The following FLYWCH2 variants were observed in gnomAD, a reference collection of about 807,000 sequenced individuals.
FLYWCH2 encodes FLYWCH family member 2.
A neutral mutation model predicts 6.0 loss-of-function variants in FLYWCH2; 2 were observed. The observed-to-expected ratio is 0.33, with a 90% CI of 0.14 to 1.04. The LOEUF (loss-of-function observed/expected upper bound fraction) is 1.04, where lower values mean the gene tolerates loss of function less well. Among genes scored for constraint, FLYWCH2 ranks in the 50% least tolerant of loss-of-function variants. FLYWCH2 has a pLI of 0.45. For missense variants in FLYWCH2, 192 were observed against 183.4 expected (o/e 1.05, Z -0.27); for synonymous variants, 87 against 79.3 (o/e 1.10, Z -0.52).
At chr16:2,889,904 G>A (rs2069737102) in intron 1 of FLYWCH2, among the ~76,000 whole-genome samples, 2 of 152,108 alleles carry the variant, frequency 1.3e-5, no homozygotes, top group Non-Finnish European at 2.9e-5. Flanking sequence ...GGACGACATG[G>A]TGAAACCGTG....
chr16:2,884,569 A>AAAAAAAAAAC (rs1206638024), intron 1 of FLYWCH2, among the ~76,000 whole-genome samples: 1 of 146,188 alleles, frequency 6.8e-6, no homozygotes, highest in Non-Finnish European at 1.5e-5. Flanking sequence ...AAAAAAAAAA[A>AAAAAAAAAAC]AAAAAAAATA....
intron 1 of FLYWCH2, among the ~76,000 whole-genome samples, chr16:2,885,523 T>G (rs1429650126): frequency 9.8e-5 from 15 of 152,328 alleles, no homozygotes; most frequent in Non-Finnish European, 4.4e-5. Context: ...CCATAGATTT[T>G]CCTACTCTGT....
Position 2,894,577 on chromosome 16 carries a change from G to C in FLYWCH2, c.-199-643G>C, listed in dbSNP as rs867797472. Among the ~76,000 whole-genome samples the C allele has an allele frequency of 3.9e-5, 6 of 152,334 alleles. No homozygotes were observed. In the South Asian group the frequency reaches 1.2e-3, roughly 32 times the overall value. On this transcript the variant is annotated intron_variant, in intron 1 of 3. Coordinates refer to ENST00000396958, the MANE Select transcript of FLYWCH2 (RefSeq NM_138439.3). Reference sequence around the variant, plus strand: ...TGAGGCAGATGAGCAGAGCCGGAAGGGCCGCACGGGAGGAACAGGGGTTGG... The same window carrying C: ...TGAGGCAGATGAGCAGAGCCGGAAGCGCCGCACGGGAGGAACAGGGGTTGG...
chr16:2,893,580 G>A lies in FLYWCH2; in HGVS notation c.-199-1640G>A, dbSNP rs928750932. ...TAGGTCTGTCTTGTTCGTTTAATAT[G>A]GGGTTTGAATTTGAGATGGGGCTGA... On this transcript the variant is annotated intron_variant, in intron 1 of 3. Coordinates refer to ENST00000396958, the MANE Select transcript of FLYWCH2 (RefSeq NM_138439.3). 4.6e-5 allele frequency among the ~76,000 whole-genome samples: 7 copies of A among 151,650 alleles called. No homozygotes were observed. In the East Asian group the frequency reaches 1.4e-3, roughly 29 times the overall value.
At chr16:2,894,521 C>G (rs1487499909) in intron 1 of FLYWCH2, among the ~76,000 whole-genome samples, 1 of 152,214 alleles carries the variant, frequency 6.6e-6, no homozygotes, top group African/African-American at 2.4e-5. Context: ...CAGAGTGGCC[C>G]CCAGGTCCCC....
intron 3 of FLYWCH2, chr16:2,897,034 G>T: frequency 1.8e-6 from 1 of 559,336 alleles, no homozygotes; most frequent in Non-Finnish European, 3.1e-6. Flanking sequence ...TCACAAGGGA[G>T]GGTCTGAGGG....
intron 1 of FLYWCH2, among the ~76,000 whole-genome samples, chr16:2,893,262 G>A (rs1244294111): frequency 6.6e-6 from 1 of 152,094 alleles, no homozygotes; most frequent in Non-Finnish European, 1.5e-5. Flanking sequence ...TTGGAGGAGG[G>A]GCTGAAAGTC....
At chr16:2,895,992 G>T (rs1596339249) in intron 2 of FLYWCH2, among the ~76,000 whole-genome samples, 2 of 152,232 alleles carry the variant, frequency 1.3e-5, no homozygotes, top group East Asian at 3.8e-4. Flanking sequence ...CATAACAGGG[G>T]TGGGAGGTGG....
At chr16:2,885,319 A>AAAAC (rs1463179223) in intron 1 of FLYWCH2, among the ~76,000 whole-genome samples, 3 of 92,984 alleles carry the variant, frequency 3.2e-5, no homozygotes, top group Admixed American at 1.2e-4. Flanking sequence ...TCCGTCTCAA[A>AAAAC]AAAACAAAAC....
At chr16:2,896,882 T>C (rs1171886759) in intron 3 of FLYWCH2, 111 bp downstream of exon 3, 13 of 1,061,534 alleles carry the variant, frequency 1.2e-5, no homozygotes, top group Middle Eastern at 3.0e-4. Context: ...CCTTGTTCCC[T>C]GACTTTGACC....
chr16:2,897,657 C>G lies in FLYWCH2; in HGVS notation c.322+886C>G, dbSNP rs2069839127. Among the ~76,000 whole-genome samples, 6 of 152,256 alleles carry G rather than the reference C, an allele frequency of 3.9e-5. No individual in the cohort carries two copies. The South Asian group carries it at 1.0e-3, about 26-fold the overall frequency. On this transcript the variant is annotated intron_variant, in intron 3 of 3. Transcript: ENST00000396958. ...GCTGCCCCTTTCCCTGCACCCAGCT[C>G]TCCCTGAGGTGGCCCAGGCCATGCC... is the stretch of plus-strand genomic sequence containing the variant.
rs780518285 is a variant in FLYWCH2 at position 2,896,608 on chromosome 16, G to A, written c.159G>A (p.Lys53=). ...VLLTASKDST[K]VAGAKRKGVH... Reference sequence around the variant, plus strand: ...TCACAGCCTCCAAAGACAGCACCAAGGTGGCGGGGGCCAAGCGCAAGGGTG... The same window carrying A: ...TCACAGCCTCCAAAGACAGCACCAAAGTGGCGGGGGCCAAGCGCAAGGGTG... Residue 53 remains lysine, a synonymous_variant, in exon 3 of 4, where the codon AAG becomes AAA. Coordinates refer to ENST00000396958, the MANE Select transcript of FLYWCH2 (RefSeq NM_138439.3). 2 of 1,614,138 alleles carry A rather than the reference G, an allele frequency of 1.2e-6. No homozygotes were observed. Among genetic ancestry groups the A allele is most frequent in the Non-Finnish European group, 1.7e-6 (2 of 1,180,016 alleles).
chr16:2,885,154 C>G (rs1451989445), intron 1 of FLYWCH2, among the ~76,000 whole-genome samples: 3 of 152,090 alleles, frequency 2.0e-5, no homozygotes, highest in Admixed American at 2.0e-4. Context: ...AACCCCGTCT[C>G]TACTAAAAAT....
chr16:2,884,557 C>CAAAAAAAAAAAAAA (rs2069674760), intron 1 of FLYWCH2, among the ~76,000 whole-genome samples: 1 of 4,628 alleles, frequency 2.2e-4, no homozygotes, highest in Non-Finnish European at 7.2e-4. Flanking sequence ...CCCGTCTCTA[C>CAAAAAAAAAAAAAA]TAAAAAAAAA....
At chr16:2,890,478 G>A (rs1169109703) in intron 1 of FLYWCH2, among the ~76,000 whole-genome samples, 1 of 151,128 alleles carries the variant, frequency 6.6e-6, no homozygotes, top group Non-Finnish European at 1.5e-5. Context: ...GCAGTGGCGC[G>A]ATCTTGGCTC....
Position 2,899,199 on chromosome 16 carries a change from T to G in FLYWCH2, c.*50T>G. 7.1e-6 allele frequency: 10 copies of G among 1,415,858 alleles called. No homozygotes were observed. Among genetic ancestry groups the G allele is most frequent in the Non-Finnish European group, 9.8e-6 (10 of 1,024,942 alleles). The allele number at this position is 1,415,858 out of a possible 1,614,324, so 87.7% of individuals were successfully genotyped here. ...AGGCCACCAACCCAGCCATAGGCTC[T>G]TCTCTGTCCGCAGGGCTTCTGGGGC... On this transcript the variant is annotated 3_prime_UTR_variant, in exon 4 of 4. Coordinates refer to ENST00000396958, the MANE Select transcript of FLYWCH2 (RefSeq NM_138439.3).
chr16:2,884,270 C>T (rs1319806296), intron 1 of FLYWCH2, among the ~76,000 whole-genome samples: 1 of 152,088 alleles, frequency 6.6e-6, no homozygotes, highest in African/African-American at 2.4e-5. Context: ...GATGCCGGTG[C>T]TGGTGGACAT....
intron 3 of FLYWCH2, chr16:2,897,006 C>T (rs910131438): frequency 1.2e-4 from 68 of 583,598 alleles, no homozygotes; most frequent in Non-Finnish European, 3.6e-5. Flanking sequence ...CTCTGGAATG[C>T]GCTGCCTACT....
intron 3 of FLYWCH2, among the ~76,000 whole-genome samples, chr16:2,897,904 C>T (rs995936393): frequency 7.2e-6 from 1 of 139,284 alleles, no homozygotes; most frequent in Non-Finnish European, 1.6e-5. Context: ...GGAGTGGGCT[C>T]TGCCGTGCCC....
Sources: allele counts gnomAD v4.1 joint callset (sites outside exome capture counted in the v4.1 genomes callset), GRCh38; gene constraint gnomAD v4.1.1; transcripts MANE v1.5; gene names NCBI Gene and HGNC (gene_info 2026-07-23, HGNC 2026-07-21).